RBFOX3: variants seen among roughly 807,000 people sequenced by gnomAD.
The protein encoded by RBFOX3 is RNA binding fox-1 homolog 3, also known as RNA binding protein fox-1 homolog 3.
RBFOX3 carries 17 observed loss-of-function variants against 48.7 expected under a neutral mutation model. The observed-to-expected ratio is 0.35, with a 90% CI of 0.24 to 0.52. RBFOX3 has a LOEUF of 0.52. Ranked by LOEUF, RBFOX3 falls within the 20% of genes least tolerant of loss-of-function variation. The pLI is 0.94. For missense variants in RBFOX3, 382 were observed against 497.5 expected (o/e 0.77, Z 2.21); for synonymous variants, 212 against 209.5 (o/e 1.01, Z -0.10).
chr17:79,328,443 T>C (rs1282082942), intron 2 of RBFOX3, among the ~76,000 whole-genome samples: 5 of 152,250 alleles, frequency 3.3e-5, no homozygotes, highest in Non-Finnish European at 5.9e-5. Flanking sequence ...ATGTGGATTT[T>C]GAACACTTGA....
intron 1 of RBFOX3, among the ~76,000 whole-genome samples, chr17:79,487,351 T>C (rs1183862265): frequency 1.3e-5 from 2 of 152,178 alleles, no homozygotes; most frequent in African/African-American, 4.8e-5. Context: ...ACGAGTTGCC[T>C]TTGGTCAGAA....
chr17:79,296,850 C>A (rs1464458188), intron 3 of RBFOX3, among the ~76,000 whole-genome samples: 2 of 127,552 alleles, frequency 1.6e-5, no homozygotes, highest in Middle Eastern at 4.0e-3. Flanking sequence ...TCCTCCCCCT[C>A]CTCCTGCTTC....
intron 4 of RBFOX3, among the ~76,000 whole-genome samples, chr17:79,192,975 C>G (rs989616332): frequency 6.6e-6 from 1 of 152,232 alleles, no homozygotes; most frequent in Non-Finnish European, 1.5e-5. Flanking sequence ...TCTGTCTGGC[C>G]TCTGTGCCAG....
At chr17:79,557,582 C>G (rs1370994406) in intron 1 of RBFOX3, among the ~76,000 whole-genome samples, 1 of 152,172 alleles carries the variant, frequency 6.6e-6, no homozygotes, top group Non-Finnish European at 1.5e-5. Flanking sequence ...CTGCGGATCC[C>G]CAGCCCATTT....
At chr17:79,416,508 G>C (rs781918795) in intron 2 of RBFOX3, among the ~76,000 whole-genome samples, 1 of 152,262 alleles carries the variant, frequency 6.6e-6, no homozygotes, top group Non-Finnish European at 1.5e-5. Context: ...AGACAGCGAC[G>C]TGGCCCAGCA....
At chr17:79,305,005 G>T (rs1290007123) in intron 3 of RBFOX3, among the ~76,000 whole-genome samples, 1 of 152,170 alleles carries the variant, frequency 6.6e-6, no homozygotes, top group Non-Finnish European at 1.5e-5. Flanking sequence ...GCTATCCTGA[G>T]CCCCGTGCTT....
intron 2 of RBFOX3, among the ~76,000 whole-genome samples, chr17:79,403,684 G>GC (rs1006329691): frequency 1.6e-4 from 25 of 152,004 alleles, no homozygotes; most frequent in African/African-American, 6.0e-4. Flanking sequence ...CCAGTACACT[G>GC]CCCCCTCACC....
chr17:79,274,175 G>T (rs1024799493), intron 3 of RBFOX3, among the ~76,000 whole-genome samples: 3 of 152,154 alleles, frequency 2.0e-5, no homozygotes, highest in African/African-American at 4.8e-5. Flanking sequence ...TCTGGGCACT[G>T]GTACCCCTCC....
chr17:79,470,671 A>C (rs1224298752), intron 2 of RBFOX3, among the ~76,000 whole-genome samples: 1 of 146,834 alleles, frequency 6.8e-6, no homozygotes, highest in Non-Finnish European at 1.5e-5. Context: ...CCTCCTCTCA[A>C]AGTATCCGTT....
intron 4 of RBFOX3, among the ~76,000 whole-genome samples, chr17:79,222,130 C>CTGCCTGATTTCTACCT (rs1567867673): frequency 8.9e-6 from 1 of 112,712 alleles, no homozygotes; most frequent in South Asian, 2.7e-4. Context: ...GATTTCTACC[C>CTGCCTGATTTCTACCT]GCAGCCTGAT....
intron 2 of RBFOX3, among the ~76,000 whole-genome samples, chr17:79,429,017 C>A (rs1443204606): frequency 6.6e-6 from 1 of 152,220 alleles, no homozygotes; most frequent in East Asian, 1.9e-4. Flanking sequence ...CAGTGACTCC[C>A]CCAGAGAGAC....
intron 1 of RBFOX3, among the ~76,000 whole-genome samples, chr17:79,545,679 C>T (rs924020137): frequency 3.9e-5 from 6 of 152,244 alleles, no homozygotes; most frequent in Non-Finnish European, 7.3e-5. Flanking sequence ...CGCTGTCCAA[C>T]CCACCTCCTG....
intron 3 of RBFOX3, among the ~76,000 whole-genome samples, chr17:79,263,008 C>T (rs560059577): frequency 3.3e-4 from 51 of 152,322 alleles, no homozygotes; most frequent in African/African-American, 1.2e-3. Flanking sequence ...CTGCCTCCCC[C>T]GGGAGAACTT....
intron 3 of RBFOX3, among the ~76,000 whole-genome samples, chr17:79,269,208 C>T (rs1346920450): frequency 1.3e-5 from 2 of 152,194 alleles, no homozygotes; most frequent in South Asian, 2.1e-4. Context: ...AAGTAATGCC[C>T]GGGGTCCCAG....
chr17:79,097,668 T>TC, intron 10 of RBFOX3, 24 bp downstream of exon 10: 1 of 1,010,930 alleles, frequency 9.9e-7, no homozygotes, highest in Non-Finnish European at 1.4e-6. Flanking sequence ...TCTCATCCCA[T>TC]CCCCGCCCCG....
intron 4 of RBFOX3, among the ~76,000 whole-genome samples, chr17:79,180,582 G>A (rs1040496490): frequency 6.6e-6 from 1 of 152,136 alleles, no homozygotes; most frequent in Non-Finnish European, 1.5e-5. Flanking sequence ...CTCCTCCTGT[G>A]GCCTTTACCT....
At chr17:79,432,975 C>T (rs2068738235) in intron 2 of RBFOX3, among the ~76,000 whole-genome samples, 1 of 152,194 alleles carries the variant, frequency 6.6e-6, no homozygotes, top group Non-Finnish European at 1.5e-5. Flanking sequence ...TTCTCTTGCT[C>T]CCCCTACCCC....
intron 3 of RBFOX3, among the ~76,000 whole-genome samples, chr17:79,282,439 A>G (rs1455922397): frequency 6.6e-6 from 1 of 152,236 alleles, no homozygotes; most frequent in African/African-American, 2.4e-5. Flanking sequence ...CGGAATGAAA[A>G]ATGACGAGAG....
At chr17:79,529,630 G>A (rs927952199) in intron 1 of RBFOX3, among the ~76,000 whole-genome samples, 52 of 152,328 alleles carry the variant, frequency 3.4e-4, no homozygotes, top group Middle Eastern at 3.4e-3. Flanking sequence ...AGGTCAAGGG[G>A]TAGAGGACAC....
Sources: gnomAD v4.1 joint callset for allele counts (sites outside exome capture counted in the v4.1 genomes callset) on GRCh38, gnomAD v4.1.1 for gene constraint, MANE v1.5 for transcripts, NCBI Gene and HGNC (gene_info 2026-07-23, HGNC 2026-07-21) for gene names.